ABCA10: variants seen among roughly 807,000 people sequenced by gnomAD.
ABCA10 encodes ATP-binding cassette sub-family A member 10.
ABCA10 carries 169 observed loss-of-function variants against 187.5 expected under a neutral mutation model. That is an observed-to-expected ratio of 0.90 (90% confidence interval 0.80 to 1.02). ABCA10 has a LOEUF of 1.02. Ranked by LOEUF, ABCA10 falls within the 50% of genes least tolerant of loss-of-function variation. ABCA10 has a pLI of 0.00. For missense variants in ABCA10, 1,727 were observed against 1,812.4 expected (o/e 0.95, Z 0.86); for synonymous variants, 574 against 601.8 (o/e 0.95, Z 0.68).
At chr17:69,153,202 A>C in intron 34 of ABCA10, 103 bp downstream of exon 34, 1 of 1,385,038 alleles carries the variant, frequency 7.2e-7, no homozygotes, top group Non-Finnish European at 9.7e-7. Flanking sequence ...TGCACATCAA[A>C]GGTTAATGGA....
rs192107234 is a variant in ABCA10, at chr17:69,203,226, T to C, written c.1007-1558A>G. Among the ~76,000 whole-genome samples, 5 of 152,220 alleles carry C rather than the reference T, an allele frequency of 3.3e-5. No individual in the cohort carries two copies. The East Asian group carries it at 7.7e-4, about 23-fold the overall frequency. ...AAAGATGAAAATATGTAAACAGATC[T>C]AGAGTTGAACTAGCCAAAAAGAGAA... On this transcript the variant is annotated intron_variant, in intron 9 of 38. Coordinates refer to ENST00000690296, the MANE Select transcript of ABCA10 (RefSeq NM_001377321.1).
chr17:69,154,031 A>C (rs1471848315), intron 31 of ABCA10, 22 bp from the exon 32 acceptor site: 1 of 1,607,414 alleles, frequency 6.2e-7, no homozygotes, highest in East Asian at 2.2e-5. Flanking sequence ...AATGAATGTC[A>C]GATTCACCTT....
chr17:69,154,906 AT>A, intron 30 of ABCA10, 112 bp downstream of exon 30: 1 of 662,442 alleles, frequency 1.5e-6, no homozygotes, highest in Admixed American at 3.1e-5. Flanking sequence ...ATAATTACAC[AT>A]TAACCAGGAT....
At chr17:69,164,845 A>G (rs1293733069) in intron 26 of ABCA10, 119 bp downstream of exon 26, 5 of 1,252,016 alleles carry the variant, frequency 4.0e-6, no homozygotes, top group Non-Finnish European at 5.5e-6. Flanking sequence ...TATTTTTAGA[A>G]TTTATCAGCA....
rs2074158152 is a variant in ABCA10 at position 69,154,445 on chromosome 17, GAC to G, written c.3695-121_3695-120del. 5.6e-6 allele frequency: 4 copies of G among 716,090 alleles called. No homozygotes were observed. In the East Asian group the frequency reaches 1.1e-4, roughly 20 times the overall value. 44.4% of individuals were successfully genotyped at this position (716,090 alleles called of 1,614,324 possible). On this transcript the variant is annotated intron_variant, in intron 30 of 38. Coordinates refer to ENST00000690296, the MANE Select transcript of ABCA10 (RefSeq NM_001377321.1). ...CTTTTTTTTTTTTTTTTTTTTCAGA[GAC>G]AGAGTTTTGCTCTGTTGCCTAGGCT...
In ABCA10 at chr17:69,219,649, A is replaced by C; in HGVS notation, c.426T>G (p.Val142=). The C allele has an allele frequency of 6.2e-7, 1 of 1,611,336 alleles. No homozygotes were observed. The highest frequency in any genetic ancestry group is 1.1e-5 in the South Asian group (1 of 90,126). ...MNEWFHFTCL[V]SFSSFIYFAS... is the part of the protein sequence containing the mutation. ...CAAAGTATATAAAAGAAGAGAAAGA[A>C]ACTAAGCAAGTAAAATGAAACCATT... is the stretch of plus-strand genomic sequence containing the variant. The change falls in exon 6 of 39, where the codon GTT becomes GTG. Residue 142 remains valine (V), a synonymous_variant. Transcript: ENST00000690296.
chr17:69,177,555 A>G (rs1224563585), intron 22 of ABCA10, among the ~76,000 whole-genome samples: 2 of 152,136 alleles, frequency 1.3e-5, no homozygotes, highest in Non-Finnish European at 2.9e-5. Context: ...TTCCAATGCC[A>G]TATTAGAACT....
At chr17:69,182,390 G>T in intron 21 of ABCA10, 100 bp from the exon 22 acceptor site, 1 of 1,088,414 alleles carries the variant, frequency 9.2e-7, no homozygotes, top group Non-Finnish European at 1.2e-6. Context: ...ATGAGAAGGA[G>T]ACTATTAATT....
At chr17:69,194,683 T>C (rs528878179) in intron 11 of ABCA10, among the ~76,000 whole-genome samples, 188 bp from the exon 12 acceptor site, 3 of 152,334 alleles carry the variant, frequency 2.0e-5, no homozygotes, top group African/African-American at 4.8e-5. Context: ...TTTGGAGAAA[T>C]TGGATCAAGA....
rs1598096218 is a variant in ABCA10 at position 69,174,489 on chromosome 17, A to G, written c.3049-95T>C. The G allele has an allele frequency of 2.8e-6, 4 of 1,448,514 alleles. No individual in the cohort carries two copies. In the East Asian group the frequency reaches 9.1e-5, roughly 33 times the overall value. 89.7% of individuals were successfully genotyped at this position (1,448,514 alleles called of 1,614,324 possible). A position where few individuals can be genotyped will look rare whatever the true frequency, so the allele number is the denominator to read the frequency against. ...ATCAGGTCATAAAGCTGCCTAAGGCAATTTTCTTATTTTCTTGCATATTAC... is the reference window on the plus strand; with the variant it reads ...ATCAGGTCATAAAGCTGCCTAAGGCGATTTTCTTATTTTCTTGCATATTAC... On this transcript the variant is annotated intron_variant, in intron 24 of 38. Coordinates refer to ENST00000690296, the MANE Select transcript of ABCA10 (RefSeq NM_001377321.1).
At chr17:69,172,845 C>A (rs2074307937) in intron 25 of ABCA10, among the ~76,000 whole-genome samples, 1 of 152,022 alleles carries the variant, frequency 6.6e-6, no homozygotes, top group African/African-American at 2.4e-5. Flanking sequence ...AACTATATTT[C>A]TTTTACAAGA....
intron 16 of ABCA10, among the ~76,000 whole-genome samples, chr17:69,191,883 TA>T (rs2074462658): frequency 6.6e-6 from 1 of 152,272 alleles, no homozygotes; most frequent in South Asian, 2.1e-4. Flanking sequence ...TGATGCTTTC[TA>T]AAATGTTCCC....
At chr17:69,236,530 C>G (rs1187128360) in intron 1 of ABCA10, among the ~76,000 whole-genome samples, 1 of 152,134 alleles carries the variant, frequency 6.6e-6, no homozygotes, top group Non-Finnish European at 1.5e-5. Flanking sequence ...TCCCTACTAC[C>G]TCAATCTGAG....
chr17:69,213,593 G>A (rs1442003878), intron 9 of ABCA10, among the ~76,000 whole-genome samples: 1 of 152,280 alleles, frequency 6.6e-6, no homozygotes, highest in African/African-American at 2.4e-5. Flanking sequence ...ACAGCACTGA[G>A]TTTATATTCA....
At chr17:69,161,661 T>G (rs1241427905) in intron 27 of ABCA10, among the ~76,000 whole-genome samples, 1 of 152,218 alleles carries the variant, frequency 6.6e-6, no homozygotes, top group African/African-American at 2.4e-5. Flanking sequence ...TCATCCTAAC[T>G]TCTTATAATA....
Position 69,155,896 on chromosome 17 carries a change from G to A in ABCA10, c.3485C>T (p.Pro1162Leu), listed in dbSNP as rs2074170528. 6.2e-7 allele frequency: 1 copy of A among 1,613,470 alleles called. No homozygotes were observed. Among genetic ancestry groups the A allele is most frequent in the East Asian group, 2.2e-5 (1 of 44,816 alleles). Residue 1162 changes from proline to leucine, a missense_variant, in exon 29 of 39, where the codon CCC (proline) becomes CTC (leucine). Pro to Leu is a moderately conservative substitution (Grantham distance 98). Transcript: ENST00000690296. ...TTCTTCTTCGGGCTCTTCCGGATTG[G>A]GATGAGTTTCTCTACTCCGTGGAGA... ...RISPRSRETHPNPEEPEEEDE... is the reference protein window; with the variant it reads ...RISPRSRETHLNPEEPEEEDE...
intron 27 of ABCA10, among the ~76,000 whole-genome samples, chr17:69,157,383 T>C (rs2074182652): frequency 1.3e-5 from 2 of 152,156 alleles, no homozygotes; most frequent in African/African-American, 2.4e-5. Context: ...TAGGTCACTC[T>C]TTCTCTAATA....
intron 20 of ABCA10, 82 bp downstream of exon 20, chr17:69,185,395 T>A: frequency 7.2e-7 from 1 of 1,383,248 alleles, no homozygotes. Flanking sequence ...ACCATTTTTG[T>A]TTTCAATTGT....
At chr17:69,223,173 G>C (rs1451555739) in intron 3 of ABCA10, among the ~76,000 whole-genome samples, 1 of 152,068 alleles carries the variant, frequency 6.6e-6, no homozygotes, top group Non-Finnish European at 1.5e-5. Flanking sequence ...TATTACTTTA[G>C]TGACTAAAAT....
Sources: gnomAD v4.1 joint callset for allele counts (sites outside exome capture counted in the v4.1 genomes callset) on GRCh38, gnomAD v4.1.1 for gene constraint, MANE v1.5 for transcripts, NCBI Gene and HGNC (gene_info 2026-07-23, HGNC 2026-07-21) for gene names.